SSBP4: variants seen among roughly 807,000 people sequenced by gnomAD.
The protein encoded by SSBP4 is single-stranded DNA-binding protein 4.
In SSBP4, 33 loss-of-function variants were observed where a neutral mutation model predicts 64.6. The ratio of observed to expected loss-of-function variants is 0.51; its 90% confidence interval spans 0.39 to 0.68. SSBP4 has a LOEUF of 0.68. Among genes scored for constraint, SSBP4 ranks in the 30% least tolerant of loss-of-function variants. The pLI is 0.00. For missense variants in SSBP4, 583 were observed against 566.8 expected (o/e 1.03, Z -0.29); for synonymous variants, 243 against 224.0 (o/e 1.08, Z -0.76).
upstream of SSBP4, among the ~76,000 whole-genome samples, chr19:18,413,995 C>A (rs544358703): frequency 6.6e-6 from 1 of 151,056 alleles, no homozygotes; most frequent in South Asian, 2.1e-4. Flanking sequence ...CCAGCCTGGG[C>A]AACAGTGCAA....
In SSBP4 at chr19:18,426,931, TCCCTCCTTCCTTCC is replaced by T. The variant is rs1568347968; in HGVS notation, c.60-419_60-406del. ...AGGGGATGTGGGGTGGAGGACCCCT[TCCCTCCTTCCTTCC>T]TGGGCCGGGGAGGCTGGGGATGAGT... On this transcript the variant is annotated intron_variant, in intron 1 of 17. Coordinates refer to ENST00000270061, the MANE Select transcript of SSBP4 (RefSeq NM_032627.5). The surrounding 1 kb of genome is among the most constrained non-coding windows in gnomAD (Gnocchi z 4.5). Among the ~76,000 whole-genome samples, 7 of 151,990 alleles carry T rather than the reference TCCCTCCTTCCTTCC, an allele frequency of 4.6e-5. No homozygotes were observed.
the SSBP4 span, among the ~76,000 whole-genome samples, chr19:18,411,678 G>T: frequency 6.6e-6 from 1 of 152,158 alleles, no homozygotes; most frequent in South Asian, 2.1e-4. Flanking sequence ...AGGCCCTGGG[G>T]TGGGATGACC....
chr19:18,419,266 C>T, upstream of SSBP4: 1 of 993,630 alleles, frequency 1.0e-6, no homozygotes, highest in Non-Finnish European at 1.2e-6. Flanking sequence ...CCCCCCGCGG[C>T]GGGCACTGCG....
chr19:18,430,742 C>A, intron 4 of SSBP4, 99 bp from the exon 5 acceptor site: 1 of 1,058,118 alleles, frequency 9.5e-7, no homozygotes, highest in Non-Finnish European at 1.3e-6. Context: ...AGCTCGCTGT[C>A]CCATGGGGCC....
In SSBP4 at chr19:18,427,326, T is replaced by TC. The variant is rs775457333; in HGVS notation, c.60-22dup. On this transcript the variant is annotated intron_variant, in intron 1 of 17. Transcript: ENST00000270061. This position sits in a 1 kb window ranked among gnomAD's most constrained non-coding sequence, Gnocchi z 4.4. The stretch of plus-strand genomic sequence containing the variant: ...GGCCCTTGCCTTGGAGAGTCTGAGC[T>TC]CCCTGGGCCGCCTCGCCCCCACAGG... 28 of 1,606,304 alleles carry TC rather than the reference T, an allele frequency of 1.7e-5. No individual in the cohort carries two copies. Among genetic ancestry groups the TC allele is most frequent in the Non-Finnish European group, 2.0e-5 (24 of 1,179,288 alleles).
intron 4 of SSBP4, among the ~76,000 whole-genome samples, chr19:18,428,898 G>A (rs1973074595): frequency 6.6e-6 from 1 of 152,194 alleles, no homozygotes; most frequent in Non-Finnish European, 1.5e-5. Flanking sequence ...CTGGGGCCCC[G>A]GGGGTGTCTG....
chr19:18,410,472 A>G, the SSBP4 span, among the ~76,000 whole-genome samples: 1 of 152,104 alleles, frequency 6.6e-6, no homozygotes, highest in Non-Finnish European at 1.5e-5. Context: ...AGGCCTCTCT[A>G]GAAAAAAATA....
Position 18,427,508 on chromosome 19 carries a change from C to A in SSBP4, c.132+85C>A. 1 of 1,488,680 alleles carries A rather than the reference C, an allele frequency of 6.7e-7. No homozygotes were observed. Among genetic ancestry groups the A allele is most frequent in the Non-Finnish European group, 9.1e-7 (1 of 1,096,618 alleles). The allele number at this position is 1,488,680 out of a possible 1,614,324, so 92.2% of individuals were successfully genotyped here. On this transcript the variant is annotated intron_variant, in intron 2 of 17. Transcript: ENST00000270061. The surrounding 1 kb of genome is among the most constrained non-coding windows in gnomAD (Gnocchi z 4.4). ...TTCCACTGGGGATCCAGGGGGTGGG[C>A]CCGCGTTGCCCCTCTGATGGCCCTG...
rs539810905 is a variant in SSBP4, at chr19:18,426,564, C to T, written c.60-787C>T. On this transcript the variant is annotated intron_variant, in intron 1 of 17. Transcript: ENST00000270061. The surrounding 1 kb of genome is among the most constrained non-coding windows in gnomAD (Gnocchi z 4.5). Reference sequence around the variant, plus strand: ...CTGGACTGGAGCGGGGTGGACAGTCCGGCCTCCCCCTGTGACCTGCAGAGG... The same window carrying T: ...CTGGACTGGAGCGGGGTGGACAGTCTGGCCTCCCCCTGTGACCTGCAGAGG... Among the ~76,000 whole-genome samples the T allele has an allele frequency of 5.9e-5, 9 of 152,264 alleles. No homozygotes were observed. Among genetic ancestry groups the T allele is most frequent in the South Asian group, 2.1e-4 (1 of 4,820 alleles).
rs955573306 is a variant in SSBP4 at position 18,434,222 on chromosome 19, G to T, written c.1134G>T (p.Ser378=). 6 of 1,611,584 alleles carry T rather than the reference G, an allele frequency of 3.7e-6. No individual in the cohort carries two copies. Among genetic ancestry groups the T allele is most frequent in the Non-Finnish European group, 4.2e-6 (5 of 1,179,538 alleles). ...GCCCCCTCCTCTCTCCGCAGTACTC[G>T]CCAGGGATGACCATGAGCGTGTGAT... ...FLHPFPSESY[S]PGMTMSV is the part of the protein sequence containing the mutation. Residue 378 remains serine, a synonymous_variant, in exon 18 of 18, where the codon TCG becomes TCT. Transcript: ENST00000270061.
the SSBP4 span, among the ~76,000 whole-genome samples, chr19:18,408,593 A>G: frequency 6.6e-6 from 1 of 151,220 alleles, no homozygotes; most frequent in Non-Finnish European, 1.5e-5. Context: ...CCCAGGTTCA[A>G]GTGATTCTCC....
intron 1 of SSBP4, among the ~76,000 whole-genome samples, chr19:18,424,394 T>C (rs1037104677): frequency 7.2e-5 from 11 of 152,116 alleles, no homozygotes; most frequent in African/African-American, 2.7e-4. Context: ...CTACATTCCA[T>C]TGGGGGCCCA....
intron 1 of SSBP4, 80 bp downstream of exon 1, chr19:18,419,787 C>T: frequency 2.0e-6 from 2 of 1,017,920 alleles, no homozygotes; most frequent in Non-Finnish European, 2.4e-6. Context: ...GCGCGGGGCA[C>T]GTGGGCGCGG....
At chr19:18,434,033 C>T (rs1973782614) in intron 17 of SSBP4, 184 bp from the exon 18 acceptor site, 1 of 1,298,866 alleles carries the variant, frequency 7.7e-7, no homozygotes, top group Non-Finnish European at 9.8e-7. Flanking sequence ...TCCGCCCCCA[C>T]CCCGGGACCC....
chr19:18,433,062 G>A lies in SSBP4; in HGVS notation c.912+19G>A. 6.2e-7 allele frequency: 1 copy of A among 1,613,974 alleles called. No homozygotes were observed. The highest frequency in any genetic ancestry group is 8.5e-7 in the Non-Finnish European group (1 of 1,180,016). On this transcript the variant is annotated intron_variant, in intron 14 of 17. Coordinates refer to ENST00000270061, the MANE Select transcript of SSBP4 (RefSeq NM_032627.5). ...GGCTAATGTGAGTGGGGGCTTGCAG[G>A]GGTGCTTCTCGAGGCGGTGACCCCA...
chr19:18,432,038 C>A lies in SSBP4; in HGVS notation c.604C>A (p.Pro202Thr). The change falls in exon 9 of 18, where the codon CCT (proline) becomes ACT (threonine). Residue 202 changes from proline (P) to threonine (T), a missense_variant. This residue lies in a region of SSBP4 where 444 missense variants were observed against 386.6 expected (regional missense o/e 1.15). Coordinates refer to ENST00000270061, the MANE Select transcript of SSBP4 (RefSeq NM_032627.5). ...GGGCGGCCCAATGCAGAGGGTGACGCCTCCTCGTGGCATGGCCAGCGTGGG... is the reference window on the plus strand; with the variant it reads ...GGGCGGCCCAATGCAGAGGGTGACGACTCCTCGTGGCATGGCCAGCGTGGG... ...SMGGPMQRVTPPRGMASVGPQ... is the reference protein window; with the variant it reads ...SMGGPMQRVTTPRGMASVGPQ... 6.3e-7 allele frequency: 1 copy of A among 1,583,636 alleles called. No homozygotes were observed.
chr19:18,429,538 G>T (rs1330418421), intron 4 of SSBP4, among the ~76,000 whole-genome samples: 3 of 151,980 alleles, frequency 2.0e-5, no homozygotes, highest in Non-Finnish European at 4.4e-5. Flanking sequence ...CCCGTGAGGG[G>T]ATTGCCCTCC....
chr19:18,434,363 C>T lies in SSBP4; in HGVS notation c.*117C>T. On this transcript the variant is annotated 3_prime_UTR_variant, in exon 18 of 18. Coordinates refer to ENST00000270061, the MANE Select transcript of SSBP4 (RefSeq NM_032627.5). ...TGGACTCCTGGCCAATCAAGGCTTG[C>T]CCAGCTGGGAGGCCCCACACGAAAG... 1.3e-6 allele frequency: 2 copies of T among 1,491,944 alleles called. No homozygotes were observed. Among genetic ancestry groups the T allele is most frequent in the Non-Finnish European group, 1.8e-6 (2 of 1,123,524 alleles). 92.4% of individuals were successfully genotyped at this position (1,491,944 alleles called of 1,614,324 possible).
chr19:18,432,533 A>T (rs1267570173), intron 10 of SSBP4, 26 bp from the exon 11 acceptor site: 2 of 1,551,798 alleles, frequency 1.3e-6, no homozygotes, highest in Non-Finnish European at 1.7e-6. Flanking sequence ...CTAGCCCCAG[A>T]GTCTGTCATC....
Sources: gnomAD v4.1 joint callset for allele counts (sites outside exome capture counted in the v4.1 genomes callset) on GRCh38, gnomAD v4.1.1 for gene constraint, gnomAD v4.1.1 regional missense constraint, Gnocchi (gnomAD v3.1) non-coding constraint, MANE v1.5 for transcripts, NCBI Gene and HGNC (gene_info 2026-07-23, HGNC 2026-07-21) for gene names.